The following FOXA1 variants were observed in gnomAD, a reference collection of about 807,000 sequenced individuals.
The protein encoded by FOXA1 is forkhead box A1.
A neutral mutation model predicts 29.2 loss-of-function variants in FOXA1; 9 were observed. That is an observed-to-expected ratio of 0.31 (90% CI 0.19 to 0.54). The LOEUF (loss-of-function observed/expected upper bound fraction) is 0.54. Ranked by LOEUF, FOXA1 falls within the 20% of genes least tolerant of loss-of-function variation. FOXA1 has a pLI of 0.95. For synonymous variants in FOXA1, 340 were observed against 300.9 expected, an observed-to-expected ratio of 1.13 and a Z score of -1.34; for missense variants, 644 against 681.2, an observed-to-expected ratio of 0.95 and a Z score of 0.61.
rs1449385727 is a variant in FOXA1 at position 37,591,428 on chromosome 14, G to A, written c.1356C>T (p.Pro452=). The A allele has an allele frequency of 1.2e-6, 2 of 1,614,160 alleles. No individual in the cohort carries two copies. Among genetic ancestry groups the A allele is most frequent in the East Asian group, 4.5e-5 (2 of 44,874 alleles). ...ASVTTRSPIE[P]SALEPAYYQG... ...GGTAGTACGCCGGCTCCAGGGCTGA[G>A]GGCTCGATGGGGCTCCTGGTGGTCA... The change falls in exon 2 of 2, where the codon CCC becomes CCT. Residue 452 remains proline, a synonymous_variant. Transcript: ENST00000250448.
At position 37,595,020 on chromosome 14, in the gene FOXA1, A is replaced by G. The variant is rs2139188433; in HGVS notation, c.-48T>C. On this transcript the variant is annotated 5_prime_UTR_variant, in exon 1 of 2. Coordinates refer to ENST00000250448, the MANE Select transcript of FOXA1 (RefSeq NM_004496.5). ...CAACCATCCAGCCCTGTGCGAAGCG[A>G]CGGGCGGCCGCGCGGCGCGGGGCGG... 1 of 1,208,342 alleles carries G rather than the reference A, an allele frequency of 8.3e-7. No individual in the cohort carries two copies. The highest frequency in any genetic ancestry group is 1.9e-5 in the Admixed American group (1 of 52,360). The allele number at this position is 1,208,342 out of a possible 1,614,324, so 74.9% of individuals were successfully genotyped here.
chr14:37,592,832 GC>G, intron 1 of FOXA1, 121 bp from the exon 2 acceptor site: 2 of 1,238,674 alleles, frequency 1.6e-6, no homozygotes, highest in Non-Finnish European at 2.3e-6. Flanking sequence ...AACACGGGAC[GC>G]CCCCACCCGG....
rs2095594753 is a variant in FOXA1, at chr14:37,590,776, A to C, written c.*589T>G. 1 of 241,912 alleles carries C rather than the reference A, an allele frequency of 4.1e-6. No individual in the cohort carries two copies. Among genetic ancestry groups the C allele is most frequent in the African/African-American group, 2.2e-5 (1 of 45,248 alleles). The allele number at this position is 241,912 out of a possible 1,614,324, so 15.0% of individuals were successfully genotyped here. On this transcript the variant is annotated 3_prime_UTR_variant, in exon 2 of 2. Transcript: ENST00000250448. ...TGCTATCTGCATGTATCAGAAATGT[A>C]AACTGAGAAGCAAATGGCTCTGATG...
In FOXA1 at chr14:37,594,979, G is replaced by A; in HGVS notation, c.-7C>T. 6.4e-7 allele frequency: 1 copy of A among 1,569,710 alleles called. No homozygotes were observed. Among genetic ancestry groups the A allele is most frequent in the Non-Finnish European group, 8.7e-7 (1 of 1,151,896 alleles). On this transcript the variant is annotated 5_prime_UTR_variant, in exon 1 of 2. Transcript: ENST00000250448. ...TCTTCACAGTTCCTAACATCCTGGAGCCACCCTGCCCAATACAACCATCCA... is the reference window on the plus strand; with the variant it reads ...TCTTCACAGTTCCTAACATCCTGGAACCACCCTGCCCAATACAACCATCCA...
In FOXA1 at chr14:37,595,199, CGGAGCGCGGCGCCGG is replaced by C. The variant is rs1309772752; in HGVS notation, c.-242_-228del. On this transcript the variant is annotated 5_prime_UTR_variant, in exon 1 of 2. Transcript: ENST00000250448. ...CAGCGCCGGGGGCAGGCGGCTGCCG[CGGAGCGCGGCGCCGG>C]GGAGCGCCTCCGCGGGAAGTGAGCG... The C allele has an allele frequency of 2.6e-5, 5 of 192,888 alleles. No individual in the cohort carries two copies. The highest frequency in any genetic ancestry group is 4.2e-5 in the Non-Finnish European group (4 of 96,200). The allele number at this position is 192,888 out of a possible 1,614,324, so 11.9% of individuals were successfully genotyped here.
Position 37,592,305 on chromosome 14 carries a change from T to C in FOXA1, c.479A>G (p.Lys160Arg). The C allele has an allele frequency of 1.9e-6, 3 of 1,604,278 alleles. No homozygotes were observed. Among genetic ancestry groups the C allele is most frequent in the South Asian group, 2.2e-5 (2 of 90,130 alleles). ...RSRAGGGGDAKTFKRSYPHAK... is the reference protein window; with the variant it reads ...RSRAGGGGDARTFKRSYPHAK... Reference sequence around the variant, plus strand: ...GTGCGGGTAGCTGCGCTTGAACGTCTTGGCGTCGCCGCCGCCGCCCGCGCG... The same window carrying C: ...GTGCGGGTAGCTGCGCTTGAACGTCCTGGCGTCGCCGCCGCCGCCCGCGCG... Residue 160 changes from lysine to arginine, a missense_variant, in exon 2 of 2, where the codon AAG becomes AGG. Physicochemically the swap from Lys to Arg is conservative, Grantham distance 26 (BLOSUM62 2). Around this residue, in one of 5 missense-constraint regions of FOXA1, gnomAD observed 309 missense variants for 307.0 expected, o/e 1.01. Coordinates refer to ENST00000250448, the MANE Select transcript of FOXA1 (RefSeq NM_004496.5).
At position 37,592,568 on chromosome 14, in the gene FOXA1, G is replaced by C. The variant is rs752431525; in HGVS notation, c.216C>G (p.Gly72=). 14 of 1,614,020 alleles carry C rather than the reference G, an allele frequency of 8.7e-6. No individual in the cohort carries two copies. The highest frequency in any genetic ancestry group is 6.7e-5 in the East Asian group (3 of 44,866). ...CGCCGGGACTCAGGCCGGCCCCTAG[G>C]CCCGGGTTGGCATAGGACATGTTGA... ...ASFNMSYANP[G]LGAGLSPGAV... The change falls in exon 2 of 2, where the codon GGC becomes GGG. Residue 72 remains glycine, a synonymous_variant. Coordinates refer to ENST00000250448, the MANE Select transcript of FOXA1 (RefSeq NM_004496.5).
rs1254047977 is a variant in FOXA1 at position 37,592,479 on chromosome 14, G to T, written c.305C>A (p.Thr102Lys). 4 of 1,607,756 alleles carry T rather than the reference G, an allele frequency of 2.5e-6. No individual in the cohort carries two copies. The highest frequency in any genetic ancestry group is 3.4e-6 in the Non-Finnish European group (4 of 1,179,050). Residue 102 changes from threonine to lysine, a missense_variant, in exon 2 of 2, where the codon ACG (threonine) becomes AAG (lysine). Physicochemically the swap from Thr to Lys is moderately conservative, Grantham distance 78. Around this residue, in one of 5 missense-constraint regions of FOXA1, gnomAD observed 309 missense variants for 307.0 expected, o/e 1.01. Coordinates refer to ENST00000250448, the MANE Select transcript of FOXA1 (RefSeq NM_004496.5). ...CGGGCTCAGCGCCGTACCCATGGCCGTCACGCCGGCCGCAGTCATGCTGTT... is the reference window on the plus strand; with the variant it reads ...CGGGCTCAGCGCCGTACCCATGGCCTTCACGCCGGCCGCAGTCATGCTGTT... ...AMNSMTAAGVTAMGTALSPSG... is the reference protein window; with the variant it reads ...AMNSMTAAGVKAMGTALSPSG...
chr14:37,594,832 C>T (rs1335096888), intron 1 of FOXA1, 69 bp downstream of exon 1: 15 of 1,367,356 alleles, frequency 1.1e-5, no homozygotes, highest in Admixed American at 9.0e-5. Flanking sequence ...GCGCCCACCG[C>T]TCCCCGGCCT....
rs1216638543 is a variant in FOXA1 at position 37,594,276 on chromosome 14, G to C, written c.72+625C>G. 4.9e-6 allele frequency: 6 copies of C among 1,228,278 alleles called. No homozygotes were observed. The East Asian group carries it at 3.6e-4, about 75-fold the overall frequency. The allele number at this position is 1,228,278 out of a possible 1,614,324, so 76.1% of individuals were successfully genotyped here. A position where few individuals can be genotyped will look rare whatever the true frequency, so the allele number is the denominator to read the frequency against. On this transcript the variant is annotated intron_variant, in intron 1 of 1. Transcript: ENST00000250448. Reference sequence around the variant, plus strand: ...CATTGTAAAAATAACCCCCATGAACGTGCCACCAAGGGGACAATGAAGAGA... The same window carrying C: ...CATTGTAAAAATAACCCCCATGAACCTGCCACCAAGGGGACAATGAAGAGA...
At chr14:37,593,654 A>G (rs1199595033) in intron 1 of FOXA1, among the ~76,000 whole-genome samples, 1 of 152,214 alleles carries the variant, frequency 6.6e-6, no homozygotes, top group African/African-American at 2.4e-5. Context: ...CATGTAAGAA[A>G]GTACTTTCGC....
Position 37,590,077 on chromosome 14 carries a change from A to C in FOXA1, c.*1288T>G. 2 of 232,112 alleles carry C rather than the reference A, an allele frequency of 8.6e-6. No individual in the cohort carries two copies. The highest frequency in any genetic ancestry group is 8.5e-6 in the Non-Finnish European group (1 of 117,380). 14.4% of individuals were successfully genotyped at this position (232,112 alleles called of 1,614,324 possible). On this transcript the variant is annotated 3_prime_UTR_variant, in exon 2 of 2. Transcript: ENST00000250448. ...AATCTGGTATTATTTTTGTTATTTAAATCAAAATATTTTTAATTACAATCA... is the reference window on the plus strand; with the variant it reads ...AATCTGGTATTATTTTTGTTATTTACATCAAAATATTTTTAATTACAATCA...
intron 1 of FOXA1, 117 bp downstream of exon 1, chr14:37,594,784 C>G (rs1480829644): frequency 9.7e-6 from 7 of 724,320 alleles, no homozygotes; most frequent in Admixed American, 4.9e-5. Context: ...GCGGTGGCAC[C>G]GAGAAGGCGC....
rs773464336 is a variant in FOXA1 at position 37,592,694 on chromosome 14, C to A, written c.90G>T (p.Pro30=). Residue 30 remains proline (P), a synonymous_variant, in exon 2 of 2, where the codon CCG becomes CCT. Transcript: ENST00000250448. Reference sequence around the variant, plus strand: ...CCAGGCCTGAGTTCATGTTGCTGACCGGGACGGAGGAGTAGGCCTGGAGTG... The same window carrying A: ...CCAGGCCTGAGTTCATGTTGCTGACAGGGACGGAGGAGTAGGCCTGGAGTG... The part of the protein sequence containing the change: ...ADTQEAYSSV[P]VSNMNSGLGS... 3.1e-6 allele frequency: 5 copies of A among 1,613,050 alleles called. No individual in the cohort carries two copies. The highest frequency in any genetic ancestry group is 4.2e-6 in the Non-Finnish European group (5 of 1,180,032).
In FOXA1 at chr14:37,592,315, C is replaced by T. The variant is rs370464225; in HGVS notation, c.469G>A (p.Gly157Ser). 57 of 1,598,654 alleles carry T rather than the reference C, an allele frequency of 3.6e-5. 1 individual carries two copies. The highest frequency in any genetic ancestry group is 1.1e-4 in the South Asian group (10 of 89,116). The change falls in exon 2 of 2, where the codon GGC (glycine) becomes AGC (serine). Residue 157 changes from glycine (G) to serine (S), a missense_variant. By Grantham distance (56) the Gly-to-Ser change is moderately conservative. Around this residue, in one of 5 missense-constraint regions of FOXA1, gnomAD observed 309 missense variants for 307.0 expected, o/e 1.01. Transcript: ENST00000250448. The part of the protein sequence containing the change: ...NLGRSRAGGG[G>S]DAKTFKRSYP... ...CTGCGCTTGAACGTCTTGGCGTCGCCGCCGCCGCCCGCGCGGCTGCGGCCC... is the reference window on the plus strand; with the variant it reads ...CTGCGCTTGAACGTCTTGGCGTCGCTGCCGCCGCCCGCGCGGCTGCGGCCC...
chr14:37,591,205 T>C lies in FOXA1; in HGVS notation c.*160A>G, dbSNP rs771938444. The C allele has an allele frequency of 1.1e-6, 1 of 905,024 alleles. No individual in the cohort carries two copies. 56.1% of individuals were successfully genotyped at this position (905,024 alleles called of 1,614,324 possible). A position where few individuals can be genotyped will look rare whatever the true frequency, so the allele number is the denominator to read the frequency against. On this transcript the variant is annotated 3_prime_UTR_variant, in exon 2 of 2. Transcript: ENST00000250448. ...ATACAATAATAAAGTAACAGTCTTT[T>C]GCACTGGGGGAAAGGTTGTGCATGA...
chr14:37,594,120 C>A (rs1047615900), intron 1 of FOXA1: 1 of 1,287,098 alleles, frequency 7.8e-7, no homozygotes, highest in East Asian at 5.6e-5. Context: ...TTATCCAAGG[C>A]AGTTCCAATA....
intron 1 of FOXA1, chr14:37,594,174 C>T (rs2095599328): frequency 7.8e-7 from 1 of 1,288,528 alleles, no homozygotes; most frequent in Non-Finnish European, 1.0e-6. Context: ...GGGTAATCGC[C>T]AGCTGTTTCC....
Position 37,594,753 on chromosome 14 carries a change from G to T in FOXA1, c.72+148C>A, listed in dbSNP as rs779440372. 9.7e-4 allele frequency: 375 copies of T among 388,252 alleles called. 3 individuals are homozygous for T. The highest frequency in any genetic ancestry group is 1.3e-3 in the Non-Finnish European group (330 of 248,662). 24.1% of individuals were successfully genotyped at this position (388,252 alleles called of 1,614,324 possible). ...CCAGGCCCGGCCAAGGCCCGGCCGG[G>T]GCCACACCGGCGGGCGGGCAGCGGT... On this transcript the variant is annotated intron_variant, in intron 1 of 1. Coordinates refer to ENST00000250448, the MANE Select transcript of FOXA1 (RefSeq NM_004496.5).
Sources: allele counts gnomAD v4.1 joint callset (sites outside exome capture counted in the v4.1 genomes callset), GRCh38; gene constraint gnomAD v4.1.1; regional missense constraint gnomAD v4.1.1; transcripts MANE v1.5; gene names NCBI Gene and HGNC (gene_info 2026-07-23, HGNC 2026-07-21).